Variants in ZNF521 observed in about 807,000 individuals in gnomAD.
The protein encoded by ZNF521 is zinc finger protein 521, also known as LYST-interacting protein 3.
Under a neutral mutation model 105.5 loss-of-function variants are expected in ZNF521, and 14 were observed. That is an observed-to-expected ratio of 0.13 (90% CI 0.09 to 0.21). ZNF521 has a LOEUF of 0.21. Among genes scored for constraint, ZNF521 ranks in the 10% least tolerant of loss-of-function variants. The pLI is 1.00. For missense variants in ZNF521, 1,233 were observed against 1,629.7 expected (o/e 0.76, Z 4.19); for synonymous variants, 635 against 606.0 (o/e 1.05, Z -0.70).
At chr18:25,186,987 A>G (rs1387777649) in intron 5 of ZNF521, among the ~76,000 whole-genome samples, 1 of 151,968 alleles carries the variant, frequency 6.6e-6, no homozygotes, top group African/African-American at 2.4e-5. Context: ...ATACTTCTGT[A>G]CGTTCCATGT....
chr18:25,259,732 GCTTACAGGATAGT>G (rs1908779390), intron 3 of ZNF521, among the ~76,000 whole-genome samples: 1 of 152,180 alleles, frequency 6.6e-6, no homozygotes, highest in Non-Finnish European at 1.5e-5. Flanking sequence ...ACTTTATGGA[GCTTACAGGATAGT>G]CAGAAGACAG....
chr18:25,086,650 C>A (rs1286003938), intron 7 of ZNF521, among the ~76,000 whole-genome samples: 1 of 152,054 alleles, frequency 6.6e-6, no homozygotes, highest in Non-Finnish European at 1.5e-5. Flanking sequence ...CTGTTCTTAT[C>A]TAAGGAATGA....
At chr18:25,077,450 G>A (rs1278924551) in intron 7 of ZNF521, among the ~76,000 whole-genome samples, 1 of 152,044 alleles carries the variant, frequency 6.6e-6, no homozygotes, top group East Asian at 1.9e-4. Context: ...CAGAGTTCAC[G>A]TCCTCTCTAC....
chr18:25,173,560 A>G (rs533167262), intron 5 of ZNF521, among the ~76,000 whole-genome samples: 4 of 152,210 alleles, frequency 2.6e-5, no homozygotes, highest in Non-Finnish European at 5.9e-5. Flanking sequence ...GTATCTGTAA[A>G]TGTATCATAC....
At chr18:25,087,741 CCA>C (rs1160251157) in intron 7 of ZNF521, among the ~76,000 whole-genome samples, 3 of 152,054 alleles carry the variant, frequency 2.0e-5, no homozygotes, top group Non-Finnish European at 4.4e-5. Flanking sequence ...CTAACTTGGC[CCA>C]TCTTCTATAT....
chr18:25,131,055 G>C (rs1340065630), intron 5 of ZNF521, among the ~76,000 whole-genome samples: 1 of 152,040 alleles, frequency 6.6e-6, no homozygotes, highest in Non-Finnish European at 1.5e-5. Context: ...AAAATGAATA[G>C]TGTAATCAGA....
intron 3 of ZNF521, among the ~76,000 whole-genome samples, chr18:25,294,881 A>G (rs891743604): frequency 7.1e-6 from 1 of 141,258 alleles, no homozygotes; most frequent in Non-Finnish European, 1.6e-5. Flanking sequence ...AAAAAAAAAA[A>G]GGAGCAGGTT....
chr18:25,278,954 T>G (rs1362627059), intron 3 of ZNF521, among the ~76,000 whole-genome samples: 2 of 152,194 alleles, frequency 1.3e-5, no homozygotes, highest in African/African-American at 4.8e-5. Context: ...ACTTTTAGTC[T>G]CTGCAAATCT....
At chr18:25,350,316 G>C (rs1053445869) in intron 2 of ZNF521, among the ~76,000 whole-genome samples, 5 of 151,634 alleles carry the variant, frequency 3.3e-5, no homozygotes, top group Non-Finnish European at 5.9e-5. Context: ...CCGAGCCGGG[G>C]TCCGGTGCCC....
At chr18:25,287,267 A>G (rs1239199399) in intron 3 of ZNF521, among the ~76,000 whole-genome samples, 1 of 152,156 alleles carries the variant, frequency 6.6e-6, no homozygotes, top group African/African-American at 2.4e-5. Flanking sequence ...AGCAAATCCT[A>G]ATTTCTTATT....
intron 3 of ZNF521, among the ~76,000 whole-genome samples, chr18:25,254,942 T>C (rs1908376341): frequency 1.3e-5 from 2 of 152,068 alleles, no homozygotes; most frequent in Non-Finnish European, 2.9e-5. Context: ...AAACTTATCA[T>C]GAGTTAAGCC....
At chr18:25,084,564 AG>A (rs1401136185) in intron 7 of ZNF521, among the ~76,000 whole-genome samples, 2 of 140,062 alleles carry the variant, frequency 1.4e-5, no homozygotes, top group African/African-American at 2.5e-5. Flanking sequence ...CTTTGAATGT[AG>A]GAAACACTGC....
At chr18:25,304,951 C>T (rs1247244823) in intron 3 of ZNF521, among the ~76,000 whole-genome samples, 1 of 152,046 alleles carries the variant, frequency 6.6e-6, no homozygotes, top group Admixed American at 6.5e-5. Context: ...TCTTTTGTGC[C>T]CTCATAATGC....
chr18:25,248,136 T>C (rs1907856888), intron 3 of ZNF521, among the ~76,000 whole-genome samples: 1 of 152,158 alleles, frequency 6.6e-6, no homozygotes, highest in Non-Finnish European at 1.5e-5. Flanking sequence ...GTCAGCTATC[T>C]TGACACCACA....
chr18:25,148,138 G>A (rs2144472083), intron 5 of ZNF521, among the ~76,000 whole-genome samples: 2 of 152,288 alleles, frequency 1.3e-5, no homozygotes, highest in South Asian at 4.1e-4. Context: ...GGGGACAGCT[G>A]GGTGCTAAAT....
chr18:25,237,384 T>A (rs1906977050), intron 3 of ZNF521, among the ~76,000 whole-genome samples: 1 of 152,154 alleles, frequency 6.6e-6, no homozygotes, highest in African/African-American at 2.4e-5. Context: ...TTTATGACGC[T>A]ACTTTCTACT....
At chr18:25,193,762 C>T (rs925534691) in intron 5 of ZNF521, among the ~76,000 whole-genome samples, 3 of 151,928 alleles carry the variant, frequency 2.0e-5, no homozygotes, top group Admixed American at 6.6e-5. Context: ...GCTATTGTCA[C>T]ATTGAAGGAT....
chr18:25,098,769 C>T (rs1358712823), intron 5 of ZNF521, among the ~76,000 whole-genome samples: 1 of 152,162 alleles, frequency 6.6e-6, no homozygotes, highest in African/African-American at 2.4e-5. Context: ...TTCTCCCCCT[C>T]ATTTATACCC....
intron 5 of ZNF521, among the ~76,000 whole-genome samples, chr18:25,110,258 C>T (rs2034157830): frequency 6.6e-6 from 1 of 152,174 alleles, no homozygotes; most frequent in African/African-American, 2.4e-5. Flanking sequence ...GCTGTAAGGG[C>T]TGAAACACCG....
Sources: gnomAD v4.1 joint callset for allele counts (sites outside exome capture counted in the v4.1 genomes callset) on GRCh38, gnomAD v4.1.1 for gene constraint, MANE v1.5 for transcripts, NCBI Gene and HGNC (gene_info 2026-07-23, HGNC 2026-07-21) for gene names.